Variants in NSUN3 observed in about 807,000 individuals in gnomAD.
NSUN3 encodes tRNA (cytosine(34)-C(5))-methyltransferase, mitochondrial.
Under a neutral mutation model 36.8 loss-of-function variants are expected in NSUN3, and 24 were observed. The observed-to-expected ratio is 0.65, with a 90% CI of 0.47 to 0.92. The LOEUF (loss-of-function observed/expected upper bound fraction) is 0.92. NSUN3 is among the 40% of genes least tolerant of loss of function. The pLI is 0.00. For synonymous variants in NSUN3, 146 were observed against 145.2 expected (o/e 1.01, Z -0.04); for missense variants, 381 against 392.8 (o/e 0.97, Z 0.25).
chr3:94,102,608 G>C (rs548330091), intron 5 of NSUN3, among the ~76,000 whole-genome samples: 6 of 151,914 alleles, frequency 3.9e-5, no homozygotes, highest in Admixed American at 3.3e-4. Flanking sequence ...TTAAGTTTAG[G>C]TGGCAGTAGT....
chr3:94,087,584 A>G (rs2077297009), intron 3 of NSUN3, among the ~76,000 whole-genome samples: 1 of 152,232 alleles, frequency 6.6e-6, no homozygotes, highest in Non-Finnish European at 1.5e-5. Context: ...TTAACTAAGG[A>G]TGACCCAGCT....
Position 94,090,606 on chromosome 3 carries a change from C to T in NSUN3, c.467-3534C>T, listed in dbSNP as rs957475180. Reference sequence around the variant, plus strand: ...AAATGATGAAGACTTCTGTTTCCTGCGGTGTGACAGACTGGGTACCCTAAC... The same window carrying T: ...AAATGATGAAGACTTCTGTTTCCTGTGGTGTGACAGACTGGGTACCCTAAC... On this transcript the variant is annotated intron_variant, in intron 3 of 5. Transcript: ENST00000314622. 3.3e-5 allele frequency among the ~76,000 whole-genome samples: 5 copies of T among 151,996 alleles called. No individual in the cohort carries two copies. The East Asian group carries it at 5.8e-4, about 18-fold the overall frequency.
At chr3:94,106,326 A>C (rs1439040161) in intron 5 of NSUN3, among the ~76,000 whole-genome samples, 4 of 152,198 alleles carry the variant, frequency 2.6e-5, no homozygotes, top group Non-Finnish European at 5.9e-5. Flanking sequence ...TGTTTCTGAC[A>C]AAAGAATAGC....
At chr3:94,068,775 GAA>G (rs1057173131) in intron 2 of NSUN3, among the ~76,000 whole-genome samples, 2 of 119,478 alleles carry the variant, frequency 1.7e-5, no homozygotes, top group African/African-American at 3.6e-5. Flanking sequence ...ATACAGAGAG[GAA>G]AAAAAAATAC....
intron 5 of NSUN3, among the ~76,000 whole-genome samples, chr3:94,099,952 C>A (rs1335191592): frequency 1.3e-5 from 2 of 152,110 alleles, no homozygotes; most frequent in South Asian, 2.1e-4. Context: ...AAAGGCAATC[C>A]TTTTATTTCA....
chr3:94,094,400 G>A, intron 4 of NSUN3, 106 bp downstream of exon 4: 1 of 1,128,980 alleles, frequency 8.9e-7, no homozygotes, highest in Non-Finnish European at 1.2e-6. Flanking sequence ...GCCTGATACA[G>A]TTTCTCAGTA....
chr3:94,078,857 A>G (rs903559171), intron 2 of NSUN3, among the ~76,000 whole-genome samples: 2 of 152,170 alleles, frequency 1.3e-5, no homozygotes, highest in Non-Finnish European at 2.9e-5. Context: ...TCCTGAATAC[A>G]GCACACTGCT....
chr3:94,090,052 G>A (rs1560033778), intron 3 of NSUN3, among the ~76,000 whole-genome samples: 1 of 152,082 alleles, frequency 6.6e-6, no homozygotes, highest in Non-Finnish European at 1.5e-5. Flanking sequence ...TGGAAAGAAG[G>A]CAAGATTATT....
chr3:94,093,107 A>G (rs1337544986), intron 3 of NSUN3, among the ~76,000 whole-genome samples: 1 of 151,890 alleles, frequency 6.6e-6, no homozygotes, highest in Non-Finnish European at 1.5e-5. Context: ...GGGAGATTAA[A>G]ATGGAAACAT....
chr3:94,107,663 T>C (rs1163564396), intron 5 of NSUN3, among the ~76,000 whole-genome samples: 2 of 152,140 alleles, frequency 1.3e-5, no homozygotes, highest in East Asian at 3.8e-4. Flanking sequence ...CAAACTCTGT[T>C]AGGTTTCCCT....
chr3:94,068,509 T>C (rs1316263649), intron 2 of NSUN3, among the ~76,000 whole-genome samples: 1 of 152,212 alleles, frequency 6.6e-6, no homozygotes, highest in Non-Finnish European at 1.5e-5. Flanking sequence ...GTTTGTGTAC[T>C]AGGCATTGTG....
rs775440003 is a variant in NSUN3 at position 94,126,503 on chromosome 3, A to G, written c.*13A>G. The G allele has an allele frequency of 6.2e-7, 1 of 1,601,206 alleles. No homozygotes were observed. The highest frequency in any genetic ancestry group is 8.5e-7 in the Non-Finnish European group (1 of 1,170,238). On this transcript the variant is annotated 3_prime_UTR_variant, in exon 6 of 6. Transcript: ENST00000314622. ...AGGAAAATGGTGACATGAATTTGTA[A>G]ACTGTGTTTATGTGTTATTATATTT...
chr3:94,119,323 T>A (rs1418047188), intron 5 of NSUN3, among the ~76,000 whole-genome samples: 1 of 152,222 alleles, frequency 6.6e-6, no homozygotes. Context: ...GAAACTATAG[T>A]GTGTAATGAT....
chr3:94,070,244 T>C (rs2077219964), intron 2 of NSUN3, among the ~76,000 whole-genome samples: 1 of 152,086 alleles, frequency 6.6e-6, no homozygotes, highest in Non-Finnish European at 1.5e-5. Context: ...GGAAGATTGC[T>C]TGAGGACAAG....
chr3:94,124,072 A>G (rs1301267079), intron 5 of NSUN3, among the ~76,000 whole-genome samples: 1 of 151,736 alleles, frequency 6.6e-6, no homozygotes, highest in Non-Finnish European at 1.5e-5. Context: ...TTAGTTTGCT[A>G]GAGTTGCCAT....
chr3:94,098,961 G>A (rs2077354065), intron 5 of NSUN3, among the ~76,000 whole-genome samples: 1 of 152,062 alleles, frequency 6.6e-6, no homozygotes, highest in African/African-American at 2.4e-5. Context: ...AGCCCCATGG[G>A]AGCAGGGATT....
At chr3:94,088,839 T>G (rs1297487506) in intron 3 of NSUN3, among the ~76,000 whole-genome samples, 1 of 151,990 alleles carries the variant, frequency 6.6e-6, no homozygotes. Flanking sequence ...TACCTAATTT[T>G]TGTATCTTTA....
chr3:94,089,174 A>G (rs1359013901), intron 3 of NSUN3, among the ~76,000 whole-genome samples: 1 of 152,194 alleles, frequency 6.6e-6, no homozygotes, highest in African/African-American at 2.4e-5. Flanking sequence ...GAAACTTACC[A>G]TTATCCTTTG....
intron 3 of NSUN3, among the ~76,000 whole-genome samples, chr3:94,089,716 A>C (rs1036591231): frequency 5.9e-5 from 9 of 152,214 alleles, no homozygotes; most frequent in African/African-American, 2.2e-4. Context: ...TCATAGGATT[A>C]AGGTTAAATG....
Sources: gnomAD v4.1 joint callset for allele counts (sites outside exome capture counted in the v4.1 genomes callset) on GRCh38, gnomAD v4.1.1 for gene constraint, MANE v1.5 for transcripts, NCBI Gene and HGNC (gene_info 2026-07-23, HGNC 2026-07-21) for gene names.